SIVA1: variants seen among roughly 807,000 people sequenced by gnomAD.
SIVA1 encodes the protein apoptosis regulatory protein Siva.
In SIVA1, 10 loss-of-function variants were observed where a neutral mutation model predicts 19.7. The observed-to-expected ratio is 0.51, with a 90% CI of 0.31 to 0.86. The LOEUF is 0.86. Ranked by LOEUF, SIVA1 falls within the 40% of genes least tolerant of loss-of-function variation. The pLI is 0.04. For synonymous variants in SIVA1, 130 were observed against 106.1 expected (o/e 1.23, Z -1.39); for missense variants, 241 against 245.2 (o/e 0.98, Z 0.11).
rs1891759559 is a variant in SIVA1 at position 104,753,170 on chromosome 14, CG to C, written c.-28del. 2.1e-6 allele frequency: 3 copies of C among 1,422,554 alleles called. No individual in the cohort carries two copies. The highest frequency in any genetic ancestry group is 1.9e-6 in the Non-Finnish European group (2 of 1,037,246). 88.1% of individuals were successfully genotyped at this position (1,422,554 alleles called of 1,614,324 possible). A position where few individuals can be genotyped will look rare whatever the true frequency, so the allele number is the denominator to read the frequency against. Reference sequence around the variant, plus strand: ...GCGTCGTTGGTAAGGGGCTGGCGGCCGGGGAGCTGCGTAGCTCCCGGCCCCG... The same window carrying C: ...GCGTCGTTGGTAAGGGGCTGGCGGCCGGGAGCTGCGTAGCTCCCGGCCCCG... On this transcript the variant is annotated 5_prime_UTR_variant, in exon 1 of 4. Coordinates refer to ENST00000329967, the MANE Select transcript of SIVA1 (RefSeq NM_006427.4).
Position 104,753,273 on chromosome 14 carries a change from G to A in SIVA1, c.72G>A (p.Glu24=), listed in dbSNP as rs1244013555. ...LQLKVRVSQR[E]LSRGVCAERY... ...TCAAGGTCCGCGTGAGCCAGAGGGA[G>A]TTGAGCCGCGGCGTGTGCGCCGAGC... The change falls in exon 1 of 4, where the codon GAG becomes GAA. Residue 24 remains glutamate (E), a synonymous_variant. Coordinates refer to ENST00000329967, the MANE Select transcript of SIVA1 (RefSeq NM_006427.4). The A allele has an allele frequency of 8.7e-6, 14 of 1,601,696 alleles. No individual in the cohort carries two copies. The East Asian group carries it at 1.6e-4, about 18-fold the overall frequency.
Position 104,756,734 on chromosome 14 carries a change from G to A in SIVA1, c.444G>A (p.Val148=). ...GCACCTGCTGGGGCTGCGGCTCCGT[G>A]GCCTGTACCCTGTGTGGCCTCGTGG... is the stretch of plus-strand genomic sequence containing the variant. ...CVRTCWGCGS[V]ACTLCGLVDC... is the part of the protein sequence containing the mutation. Residue 148 remains valine (V), a synonymous_variant, in exon 3 of 4, where the codon GTG becomes GTA. Transcript: ENST00000329967. 6.2e-7 allele frequency: 1 copy of A among 1,613,746 alleles called. No individual in the cohort carries two copies. Among genetic ancestry groups the A allele is most frequent in the Non-Finnish European group, 8.5e-7 (1 of 1,179,812 alleles).
At chr14:104,753,827 TC>T in intron 1 of SIVA1, 1 of 450,086 alleles carries the variant, frequency 2.2e-6, no homozygotes, top group East Asian at 7.1e-5. Context: ...TCCCGGGAGC[TC>T]CCCAGCCTAG....
intron 2 of SIVA1, 82 bp downstream of exon 2, chr14:104,755,906 A>G: frequency 1.5e-6 from 2 of 1,330,322 alleles, no homozygotes; most frequent in South Asian, 1.2e-5. Flanking sequence ...TTGCAAGGTC[A>G]GGCTTTTCCT....
At chr14:104,755,563 T>G in intron 1 of SIVA1, 67 bp from the exon 2 acceptor site, 1 of 1,385,344 alleles carries the variant, frequency 7.2e-7, no homozygotes, top group Non-Finnish European at 1.0e-6. Flanking sequence ...CTAGAAAGAC[T>G]CAATGGCCAT....
chr14:104,756,720 G>T lies in SIVA1; in HGVS notation c.430G>T (p.Gly144Cys). The T allele has an allele frequency of 1.2e-6, 2 of 1,613,990 alleles. 1 individual carries two copies. The highest frequency in any genetic ancestry group is 2.2e-5 in the South Asian group (2 of 91,052). Residue 144 changes from glycine (G) to cysteine (C), a missense_variant, in exon 3 of 4, where the codon GGC becomes TGC. Gly to Cys is a radical substitution (Grantham distance 159). Coordinates refer to ENST00000329967, the MANE Select transcript of SIVA1 (RefSeq NM_006427.4). ...CGGGCAGTGTGTGCGCACCTGCTGG[G>T]GCTGCGGCTCCGTGGCCTGTACCCT... ...LCGQCVRTCW[G>C]CGSVACTLCG...
At position 104,756,543 on chromosome 14, in the gene SIVA1, C is replaced by T. The variant is rs140517346; in HGVS notation, c.314-61C>T. 389 of 1,601,528 alleles carry T rather than the reference C, an allele frequency of 2.4e-4. 2 individuals carry two copies. In the African/African-American group the frequency reaches 4.5e-3, roughly 18 times the overall value. On this transcript the variant is annotated intron_variant, in intron 2 of 3. Transcript: ENST00000329967. ...CAGGTATGCATGGAGGCAGGTAGCC[C>T]GGCAGTCCCGGAAACTCCAGTCTCC...
chr14:104,754,033 G>T (rs926757128), intron 1 of SIVA1: 11 of 299,656 alleles, frequency 3.7e-5, no homozygotes, highest in South Asian at 1.6e-4. Context: ...GCAGGAGAGC[G>T]AAATAGGACT....
At chr14:104,755,148 C>G (rs549896398) in intron 1 of SIVA1, among the ~76,000 whole-genome samples, 1 of 152,294 alleles carries the variant, frequency 6.6e-6, no homozygotes, top group Admixed American at 6.5e-5. Flanking sequence ...GGCTGTAGGC[C>G]CAGCTCCAAG....
At chr14:104,757,331 G>C (rs142525503) in intron 3 of SIVA1, 7 of 416,124 alleles carry the variant, frequency 1.7e-5, no homozygotes, top group South Asian at 1.0e-4. Context: ...GCCCTGCCCC[G>C]TGAGAAAGAT....
At chr14:104,753,341 G>A in intron 1 of SIVA1, 22 bp downstream of exon 1, 2 of 1,528,992 alleles carry the variant, frequency 1.3e-6, no homozygotes, top group Non-Finnish European at 1.8e-6. Context: ...GCGGGCTGCC[G>A]AGGGTCCGCT....
intron 2 of SIVA1, chr14:104,756,316 A>G: frequency 1.5e-5 from 8 of 522,560 alleles, no homozygotes; most frequent in Non-Finnish European, 3.5e-6. Flanking sequence ...CAGGGGAAGA[A>G]TGGTCCTTCC....
At chr14:104,754,339 G>T (rs909668980) in intron 1 of SIVA1, among the ~76,000 whole-genome samples, 1 of 152,192 alleles carries the variant, frequency 6.6e-6, no homozygotes, top group African/African-American at 2.4e-5. Flanking sequence ...CCTCTGTGCG[G>T]TGTCTCCAGT....
chr14:104,755,433 A>G (rs907872713), intron 1 of SIVA1, among the ~76,000 whole-genome samples, 197 bp from the exon 2 acceptor site: 2 of 152,196 alleles, frequency 1.3e-5, no homozygotes, highest in Non-Finnish European at 2.9e-5. Context: ...AGGTAAGGAA[A>G]GGACGCACAA....
chr14:104,753,201 C>G lies in SIVA1; in HGVS notation c.-1C>G, dbSNP rs558437728. On this transcript the variant is annotated 5_prime_UTR_variant, in exon 1 of 4. Coordinates refer to ENST00000329967, the MANE Select transcript of SIVA1 (RefSeq NM_006427.4). ...GCTGCGTAGCTCCCGGCCCCGCGGC[C>G]ATGCCCAAGCGGAGCTGCCCCTTCG... The G allele has an allele frequency of 1.3e-5, 20 of 1,566,406 alleles. No individual in the cohort carries two copies. Among genetic ancestry groups the G allele is most frequent in the Non-Finnish European group, 1.6e-5 (19 of 1,158,270 alleles).
Position 104,756,858 on chromosome 14 carries a change from G to C in SIVA1, c.470+98G>C, listed in dbSNP as rs199661705. ...ACCCATGTGGGCCCAGAACACACAC[G>C]TGTGGCCCCTGATGCAGTGCCATCT... On this transcript the variant is annotated intron_variant, in intron 3 of 3. Transcript: ENST00000329967. The C allele has an allele frequency of 4.7e-6, 4 of 852,034 alleles. No homozygotes were observed. The African/African-American group carries it at 1.9e-4, about 40-fold the overall frequency. 52.8% of individuals were successfully genotyped at this position (852,034 alleles called of 1,614,324 possible). A position where few individuals can be genotyped will look rare whatever the true frequency, so the allele number is the denominator to read the frequency against.
At chr14:104,754,606 C>A (rs1449367858) in intron 1 of SIVA1, among the ~76,000 whole-genome samples, 1 of 152,170 alleles carries the variant, frequency 6.6e-6, no homozygotes, top group Non-Finnish European at 1.5e-5. Flanking sequence ...CTGCTGGGTG[C>A]AGTGGGCCTT....
At chr14:104,756,527 A>G (rs1891893179) in intron 2 of SIVA1, 77 bp from the exon 3 acceptor site, 2 of 1,555,734 alleles carry the variant, frequency 1.3e-6, no homozygotes, top group Admixed American at 3.3e-5. Context: ...TCAGGTATGC[A>G]TGGAGGCAGG....
chr14:104,757,306 G>T (rs1286677762), intron 3 of SIVA1: 2 of 440,936 alleles, frequency 4.5e-6, no homozygotes, highest in East Asian at 7.6e-5. Context: ...GGAGTGGACA[G>T]TGTGGAGCCT....
Sources: gnomAD v4.1 joint callset for allele counts (sites outside exome capture counted in the v4.1 genomes callset) on GRCh38, gnomAD v4.1.1 for gene constraint, MANE v1.5 for transcripts, NCBI Gene and HGNC (gene_info 2026-07-23, HGNC 2026-07-21) for gene names.